Variants in SLC39A11 observed in about 807,000 individuals in gnomAD.
SLC39A11 encodes solute carrier family 39 member 11.
Under a neutral mutation model 36.1 loss-of-function variants are expected in SLC39A11, and 33 were observed. That is an observed-to-expected ratio of 0.91 (90% CI 0.69 to 1.22). The LOEUF (loss-of-function observed/expected upper bound fraction) is 1.22. SLC39A11 is among the 50% of genes most tolerant of loss of function. The probability of loss-of-function intolerance (pLI) is 0.00; values close to 1 mark genes in which losing one functional copy is unlikely to be tolerated. For missense variants in SLC39A11, 432 were observed against 430.3 expected, an observed-to-expected ratio of 1.00 and a Z score of -0.03; for synonymous variants, 166 against 170.3, an observed-to-expected ratio of 0.97 and a Z score of 0.20.
chr17:72,773,059 T>G (rs1418122112), intron 6 of SLC39A11, among the ~76,000 whole-genome samples: 3 of 152,006 alleles, frequency 2.0e-5, no homozygotes, highest in African/African-American at 7.2e-5. Flanking sequence ...GCACTCTATC[T>G]TGGGCGACAA....
chr17:72,647,496 A>C lies in SLC39A11; in HGVS notation c.*88T>G. On this transcript the variant is annotated 3_prime_UTR_variant, in exon 10 of 10. Transcript: ENST00000255559. ...GAAGAGAGGAAGGAAAAAAGTTTTAATGTGAAGAAAGAAGCTTGTTGTCCC... is the reference window on the plus strand; with the variant it reads ...GAAGAGAGGAAGGAAAAAAGTTTTACTGTGAAGAAAGAAGCTTGTTGTCCC... 2 of 1,077,506 alleles carry C rather than the reference A, an allele frequency of 1.9e-6. No individual in the cohort carries two copies. Among genetic ancestry groups the C allele is most frequent in the Non-Finnish European group, 2.7e-6 (2 of 734,690 alleles). 66.7% of individuals were successfully genotyped at this position (1,077,506 alleles called of 1,614,324 possible).
At chr17:72,648,668 G>T in intron 9 of SLC39A11, 135 bp downstream of exon 9, 1 of 1,073,618 alleles carries the variant, frequency 9.3e-7, no homozygotes. Context: ...GGAGGCAGTG[G>T]GGATGATCTT....
chr17:73,008,281 G>A (rs2090305867), intron 4 of SLC39A11, among the ~76,000 whole-genome samples: 1 of 150,682 alleles, frequency 6.6e-6, no homozygotes, highest in Non-Finnish European at 1.5e-5. Context: ...ACAGGCACCT[G>A]TCACTGCACC....
At chr17:72,890,117 T>A (rs1339820402) in intron 5 of SLC39A11, among the ~76,000 whole-genome samples, 1 of 151,614 alleles carries the variant, frequency 6.6e-6, no homozygotes, top group East Asian at 1.9e-4. Context: ...AAAAAAAAAT[T>A]AGCTGGGCAT....
chr17:72,862,044 C>G (rs1315580668), intron 5 of SLC39A11, among the ~76,000 whole-genome samples: 2 of 151,936 alleles, frequency 1.3e-5, no homozygotes, highest in Admixed American at 1.3e-4. Context: ...TGAATCAACC[C>G]ATTCAAATGC....
chr17:73,071,958 A>C (rs992135171), intron 3 of SLC39A11, among the ~76,000 whole-genome samples: 4 of 152,180 alleles, frequency 2.6e-5, no homozygotes, highest in African/African-American at 9.7e-5. Flanking sequence ...GTTCTCAATA[A>C]ATGCTAAACA....
chr17:72,875,887 T>C (rs1185826480), intron 5 of SLC39A11, among the ~76,000 whole-genome samples: 3 of 152,156 alleles, frequency 2.0e-5, no homozygotes, highest in Non-Finnish European at 4.4e-5. Context: ...CCACCCAGTG[T>C]GCCATATCAG....
chr17:72,883,585 T>A (rs4514748), intron 5 of SLC39A11, among the ~76,000 whole-genome samples: 79,241 of 152,094 alleles, frequency 0.52, 22,584 homozygotes, highest in African/African-American at 0.75. Context: ...GTGGATTGTG[T>A]CTGATTCAGG....
intron 5 of SLC39A11, among the ~76,000 whole-genome samples, chr17:72,864,182 C>T (rs940164179): frequency 2.0e-5 from 3 of 152,202 alleles, no homozygotes; most frequent in Admixed American, 2.0e-4. Flanking sequence ...CTACGAATTA[C>T]CTGGAGATTT....
intron 6 of SLC39A11, among the ~76,000 whole-genome samples, chr17:72,774,160 A>T (rs150879850): frequency 6.6e-6 from 1 of 152,318 alleles, no homozygotes; most frequent in African/African-American, 2.4e-5. Context: ...ATGGAAATGT[A>T]CGTGAATAAT....
intron 5 of SLC39A11, among the ~76,000 whole-genome samples, chr17:72,886,722 A>C (rs1207586589): frequency 1.3e-5 from 2 of 152,208 alleles, no homozygotes; most frequent in South Asian, 4.1e-4. Flanking sequence ...TGAAAGTGCT[A>C]GTGGTCCCTG....
intron 4 of SLC39A11, among the ~76,000 whole-genome samples, chr17:73,011,841 G>T (rs35780242): frequency 0.7 from 105,783 of 150,196 alleles, 41,039 homozygotes; most frequent in South Asian, 0.89. Context: ...TTTGTATTTT[G>T]GGTAGAGATG....
chr17:72,987,258 T>C (rs2088832470), intron 4 of SLC39A11, among the ~76,000 whole-genome samples: 2 of 152,238 alleles, frequency 1.3e-5, no homozygotes, highest in Non-Finnish European at 2.9e-5. Context: ...ATGCTTCTTA[T>C]ACAGTCTGCA....
At chr17:73,071,382 C>T (rs1454628918) in intron 3 of SLC39A11, among the ~76,000 whole-genome samples, 1 of 152,208 alleles carries the variant, frequency 6.6e-6, no homozygotes, top group East Asian at 1.9e-4. Context: ...CTTGCAAAGC[C>T]AGCCCCTGAA....
chr17:72,723,437 A>G (rs1445336745), intron 7 of SLC39A11, among the ~76,000 whole-genome samples: 1 of 152,090 alleles, frequency 6.6e-6, no homozygotes, highest in Admixed American at 6.6e-5. Context: ...AAGTAGTAGC[A>G]GGAAGAGATG....
intron 3 of SLC39A11, among the ~76,000 whole-genome samples, chr17:73,080,899 C>T (rs1172857315): frequency 2.0e-5 from 3 of 151,586 alleles, no homozygotes; most frequent in Admixed American, 6.6e-5. Flanking sequence ...GAGCTGAGAC[C>T]GCACCACCAC....
chr17:72,957,301 T>A (rs988332801), intron 4 of SLC39A11, among the ~76,000 whole-genome samples: 3 of 152,166 alleles, frequency 2.0e-5, no homozygotes, highest in African/African-American at 7.2e-5. Context: ...ACGGGGAAAT[T>A]TGTGGCTATT....
chr17:72,656,399 G>A (rs2070121505), intron 7 of SLC39A11, among the ~76,000 whole-genome samples: 1 of 152,154 alleles, frequency 6.6e-6, no homozygotes, highest in Non-Finnish European at 1.5e-5. Context: ...AAGTCCCATG[G>A]CAACCTGTCA....
chr17:72,807,418 C>T lies in SLC39A11; in HGVS notation c.601+42216G>A, dbSNP rs571093866. 2.6e-5 allele frequency among the ~76,000 whole-genome samples: 4 copies of T among 152,150 alleles called. No homozygotes were observed. The South Asian group carries it at 8.3e-4, about 32-fold the overall frequency. Reference sequence around the variant, plus strand: ...GTGTCTTTGTTTATTCATAATGAGCCCCTTTTGTTAACACCCGAGTTTATG... The same window carrying T: ...GTGTCTTTGTTTATTCATAATGAGCTCCTTTTGTTAACACCCGAGTTTATG... On this transcript the variant is annotated intron_variant, in intron 6 of 9. Transcript: ENST00000255559.
Sources: gnomAD v4.1 joint callset for allele counts (sites outside exome capture counted in the v4.1 genomes callset) on GRCh38, gnomAD v4.1.1 for gene constraint, MANE v1.5 for transcripts, NCBI Gene and HGNC (gene_info 2026-07-23, HGNC 2026-07-21) for gene names.